Variants in KCNIP4 observed in about 807,000 individuals in gnomAD.
KCNIP4 encodes the protein Kv channel-interacting protein 4.
In KCNIP4, 12 loss-of-function variants were observed where a neutral mutation model predicts 34.0. The observed-to-expected ratio is 0.35, with a 90% CI of 0.23 to 0.57. The LOEUF is 0.57. KCNIP4 is among the 20% of genes least tolerant of loss of function. The pLI is 0.83. For missense variants in KCNIP4, 238 were observed against 311.7 expected (o/e 0.76, Z 1.78); for synonymous variants, 124 against 102.2 (o/e 1.21, Z -1.29).
At chr4:21,504,082 A>G (rs1162978889) in intron 1 of KCNIP4, among the ~76,000 whole-genome samples, 2 of 152,152 alleles carry the variant, frequency 1.3e-5, no homozygotes, top group African/African-American at 4.8e-5. Context: ...TCAAAGATCT[A>G]CATTTTAAAC....
At chr4:21,723,789 G>C (rs1372921786) in intron 1 of KCNIP4, among the ~76,000 whole-genome samples, 1 of 152,042 alleles carries the variant, frequency 6.6e-6, no homozygotes, top group African/African-American at 2.4e-5. Context: ...GGATTATCTG[G>C]TTGTGATCTA....
rs556824249 is a variant in KCNIP4 at position 21,539,724 on chromosome 4, T to C, written c.61+408847A>G. On this transcript the variant is annotated intron_variant, in intron 1 of 8. Coordinates refer to ENST00000382152, the MANE Select transcript of KCNIP4 (RefSeq NM_025221.6). Reference sequence around the variant, plus strand: ...GGCCGGGCACAGTGGCTCACGTTTGTAATCCCAGCACTTTGGGAGGCCCAG... The same window carrying C: ...GGCCGGGCACAGTGGCTCACGTTTGCAATCCCAGCACTTTGGGAGGCCCAG... Among the ~76,000 whole-genome samples, 8 of 152,248 alleles carry C rather than the reference T, an allele frequency of 5.3e-5. 1 individual carries two copies. The South Asian group carries it at 1.7e-3, about 32-fold the overall frequency.
At chr4:21,273,070 A>C (rs954974976) in intron 1 of KCNIP4, among the ~76,000 whole-genome samples, 9 of 152,170 alleles carry the variant, frequency 5.9e-5, no homozygotes, top group African/African-American at 2.2e-4. Context: ...TGCTTTGTTG[A>C]CAATGTAGTT....
At chr4:21,706,952 C>T (rs1010980109) in intron 1 of KCNIP4, among the ~76,000 whole-genome samples, 6 of 152,084 alleles carry the variant, frequency 3.9e-5, no homozygotes, top group African/African-American at 1.4e-4. Context: ...GAGGAACTCC[C>T]CAGTGCCAGG....
chr4:20,892,203 A>G (rs921130591), intron 1 of KCNIP4, among the ~76,000 whole-genome samples: 2 of 152,210 alleles, frequency 1.3e-5, no homozygotes, highest in East Asian at 3.9e-4. Flanking sequence ...GCTTGATTAT[A>G]AAATAGTTTG....
chr4:21,692,858 T>G (rs953446112), intron 1 of KCNIP4, among the ~76,000 whole-genome samples: 17 of 130,638 alleles, frequency 1.3e-4, no homozygotes, highest in African/African-American at 5.6e-4. Context: ...TTTGCCAAGA[T>G]TCAACTTGAA....
chr4:21,426,868 T>A (rs1166407741), intron 1 of KCNIP4, among the ~76,000 whole-genome samples: 1 of 152,008 alleles, frequency 6.6e-6, no homozygotes, highest in Admixed American at 6.6e-5. Flanking sequence ...TGCTTTTTAA[T>A]GAAATATTTT....
chr4:21,116,814 C>T (rs969423973), intron 1 of KCNIP4, among the ~76,000 whole-genome samples: 7 of 152,250 alleles, frequency 4.6e-5, no homozygotes, highest in Admixed American at 3.3e-4. Flanking sequence ...CTTTTACTTT[C>T]TTTCTTTTTC....
In KCNIP4 at chr4:20,947,635, A is replaced by G. The variant is rs566436322; in HGVS notation, c.62-64926T>C. 2.3e-3 allele frequency among the ~76,000 whole-genome samples: 345 copies of G among 152,310 alleles called. 1 individual carries two copies. The highest frequency in any genetic ancestry group is 7.9e-3 in the African/African-American group (329 of 41,556). Reference sequence around the variant, plus strand: ...ATTGCCGCTGATTAAAATAACCTAAATACAGAGAAGCCTGAAAGTGTAAGG... The same window carrying G: ...ATTGCCGCTGATTAAAATAACCTAAGTACAGAGAAGCCTGAAAGTGTAAGG... On this transcript the variant is annotated intron_variant, in intron 1 of 8. Transcript: ENST00000382152.
chr4:20,837,686 A>ATATATTTTT (rs1350419753), intron 3 of KCNIP4, among the ~76,000 whole-genome samples: 4 of 117,396 alleles, frequency 3.4e-5, no homozygotes, highest in African/African-American at 1.3e-4. Flanking sequence ...ATATATATAT[A>ATATATTTTT]TTTTTTTTTC....
At chr4:21,490,704 C>T (rs1435384845) in intron 1 of KCNIP4, among the ~76,000 whole-genome samples, 2 of 152,174 alleles carry the variant, frequency 1.3e-5, no homozygotes, top group Non-Finnish European at 2.9e-5. Context: ...AAGGTTTTTA[C>T]TTAACCCAAA....
At chr4:21,243,482 C>T (rs1759994876) in intron 1 of KCNIP4, among the ~76,000 whole-genome samples, 1 of 152,158 alleles carries the variant, frequency 6.6e-6, no homozygotes, top group Non-Finnish European at 1.5e-5. Flanking sequence ...TTCCTTATAA[C>T]TGGGCTTATC....
At chr4:21,507,516 C>CA (rs564762657) in intron 1 of KCNIP4, among the ~76,000 whole-genome samples, 265 of 152,158 alleles carry the variant, frequency 1.7e-3, no homozygotes, top group African/African-American at 6.0e-3. Flanking sequence ...TTAGGTCTCC[C>CA]AAAGTGCTAG....
chr4:20,969,288 G>C (rs545125760), intron 1 of KCNIP4, among the ~76,000 whole-genome samples: 11 of 152,256 alleles, frequency 7.2e-5, no homozygotes, highest in African/African-American at 2.2e-4. Flanking sequence ...GCTCCAGTGA[G>C]AATTTCATAC....
chr4:21,943,651 G>C (rs1730325373), intron 1 of KCNIP4, among the ~76,000 whole-genome samples: 1 of 152,198 alleles, frequency 6.6e-6, no homozygotes, highest in African/African-American at 2.4e-5. Context: ...TAGGAGCCTT[G>C]AAAATCAAGC....
chr4:21,943,900 C>T (rs1202061152), intron 1 of KCNIP4, among the ~76,000 whole-genome samples: 2 of 149,594 alleles, frequency 1.3e-5, no homozygotes, highest in Non-Finnish European at 3.0e-5. Context: ...AAAGAACCAA[C>T]AAGTCTTGGT....
intron 1 of KCNIP4, among the ~76,000 whole-genome samples, chr4:21,726,855 A>T (rs1274516594): frequency 1.3e-5 from 2 of 152,178 alleles, no homozygotes; most frequent in Non-Finnish European, 2.9e-5. Flanking sequence ...TCAATCATAC[A>T]TAAGAACATA....
rs541559939 is a variant in KCNIP4 at position 21,473,258 on chromosome 4, T to C, written c.61+475313A>G. Among the ~76,000 whole-genome samples the C allele has an allele frequency of 2.0e-4, 30 of 152,252 alleles. No individual in the cohort carries two copies. In the South Asian group the frequency reaches 6.0e-3, roughly 31 times the overall value. ...AGCATAACCCAACTTTTCTGAAAAA[T>C]ACATAAAATATATATTTCTCAGTCA... is the stretch of plus-strand genomic sequence containing the variant. On this transcript the variant is annotated intron_variant, in intron 1 of 8. Coordinates refer to ENST00000382152, the MANE Select transcript of KCNIP4 (RefSeq NM_025221.6).
intron 1 of KCNIP4, among the ~76,000 whole-genome samples, chr4:21,522,018 T>C (rs904173010): frequency 2.6e-5 from 4 of 152,140 alleles, no homozygotes; most frequent in Admixed American, 2.0e-4. Flanking sequence ...TGGGGAAACA[T>C]AGCAGTTTTG....
Sources: gnomAD v4.1 joint callset for allele counts (sites outside exome capture counted in the v4.1 genomes callset) on GRCh38, gnomAD v4.1.1 for gene constraint, MANE v1.5 for transcripts, NCBI Gene and HGNC (gene_info 2026-07-23, HGNC 2026-07-21) for gene names.